Variants in ZC3H12C observed in about 807,000 individuals in gnomAD.
ZC3H12C encodes the protein probable ribonuclease ZC3H12C.
A neutral mutation model predicts 76.3 loss-of-function variants in ZC3H12C; 20 were observed. The observed-to-expected ratio is 0.26, with a 90% CI of 0.18 to 0.38. The LOEUF is 0.38. Ranked by LOEUF, ZC3H12C falls within the 10% of genes least tolerant of loss-of-function variation. ZC3H12C has a pLI of 1.00. For missense variants in ZC3H12C, 874 were observed against 1,086.5 expected, an observed-to-expected ratio of 0.80 and a Z score of 2.75; for synonymous variants, 352 against 399.6, an observed-to-expected ratio of 0.88 and a Z score of 1.42.
chr11:110,137,380 C>A lies in ZC3H12C; in HGVS notation c.739C>A (p.Pro247Thr), dbSNP rs1398405707. ...IVTDDGENLR[P>T]IVIDGSNVAM... is the part of the protein sequence containing the mutation. ...AACAGATGATGGTGAAAATCTGAGA[C>A]CAATAGTTATTGATGGCAGCAATGT... The change falls in exon 2 of 6, where the codon CCA becomes ACA. Residue 247 changes from proline to threonine, a missense_variant. Pro to Thr is a conservative substitution (Grantham distance 38). Around this residue, in one of 3 missense-constraint regions of ZC3H12C, gnomAD observed 269 missense variants for 424.9 expected, o/e 0.63. Coordinates refer to ENST00000278590, the MANE Select transcript of ZC3H12C (RefSeq NM_033390.2). 6.2e-7 allele frequency: 1 copy of A among 1,610,926 alleles called. No individual in the cohort carries two copies.
At chr11:110,133,175 C>T (rs894527071) in intron 1 of ZC3H12C, among the ~76,000 whole-genome samples, 3 of 152,072 alleles carry the variant, frequency 2.0e-5, no homozygotes, top group Non-Finnish European at 4.4e-5. Context: ...TAAGGGCAAT[C>T]GTTTGCTAAT....
intron 1 of ZC3H12C, among the ~76,000 whole-genome samples, chr11:110,109,977 A>C (rs566860470): frequency 6.6e-6 from 1 of 152,242 alleles, no homozygotes; most frequent in South Asian, 2.1e-4. Context: ...AATGCCTTGA[A>C]AAAGTTATTT....
rs539177359 is a variant in ZC3H12C at position 110,131,406 on chromosome 11, T to G, written c.22-5257T>G. Reference sequence around the variant, plus strand: ...TCAAGTTATAATAAATGTTCCGATATTTTTGATAAATGGTGGATTTAAATC... The same window carrying G: ...TCAAGTTATAATAAATGTTCCGATAGTTTTGATAAATGGTGGATTTAAATC... On this transcript the variant is annotated intron_variant, in intron 1 of 5. Coordinates refer to ENST00000278590, the MANE Select transcript of ZC3H12C (RefSeq NM_033390.2). 53 of 333,952 alleles carry G rather than the reference T, an allele frequency of 1.6e-4. No homozygotes were observed. In the South Asian group the frequency reaches 1.7e-3, roughly 11 times the overall value. 20.7% of individuals were successfully genotyped at this position (333,952 alleles called of 1,614,324 possible).
intron 1 of ZC3H12C, chr11:110,131,412 A>G (rs566370549): frequency 5.4e-5 from 18 of 335,770 alleles, no homozygotes; most frequent in African/African-American, 3.7e-4. Context: ...GATATTTTTG[A>G]TAAATGGTGG....
chr11:110,162,657 G>A (rs1001493018), intron 4 of ZC3H12C, among the ~76,000 whole-genome samples: 2 of 152,214 alleles, frequency 1.3e-5, no homozygotes, highest in African/African-American at 4.8e-5. Flanking sequence ...GAAGAGAATA[G>A]ATCGGAGTTA....
At chr11:110,147,456 C>T (rs947546374) in intron 2 of ZC3H12C, among the ~76,000 whole-genome samples, 1 of 150,824 alleles carries the variant, frequency 6.6e-6, no homozygotes, top group African/African-American at 2.4e-5. Context: ...GTCAGGGGGT[C>T]GGAGGGAAGG....
chr11:110,152,391 AGT>A (rs1862288274), intron 2 of ZC3H12C, among the ~76,000 whole-genome samples: 1 of 152,200 alleles, frequency 6.6e-6, no homozygotes, highest in Non-Finnish European at 1.5e-5. Context: ...CCTTTCAGTG[AGT>A]GTATAGTATG....
intron 1 of ZC3H12C, among the ~76,000 whole-genome samples, chr11:110,110,043 C>T (rs1218213398): frequency 1.3e-5 from 2 of 152,082 alleles, no homozygotes; most frequent in Non-Finnish European, 2.9e-5. Flanking sequence ...AGTCAAGCAG[C>T]CCACAGTAAA....
intron 1 of ZC3H12C, among the ~76,000 whole-genome samples, chr11:110,112,869 G>C (rs1253789025): frequency 1.3e-5 from 2 of 151,884 alleles, no homozygotes; most frequent in Non-Finnish European, 2.9e-5. Flanking sequence ...TCTTTTTTCT[G>C]TAAGTTATTC....
chr11:110,159,029 G>A (rs935549181), intron 3 of ZC3H12C, among the ~76,000 whole-genome samples: 8 of 81,042 alleles, frequency 9.9e-5, no homozygotes, highest in Non-Finnish European at 2.5e-4. Context: ...ATTTTATACT[G>A]TTCGTATTTT....
Position 110,158,371 on chromosome 11 carries a change from G to A in ZC3H12C, c.914-885G>A, listed in dbSNP as rs555893470. Among the ~76,000 whole-genome samples the A allele has an allele frequency of 8.5e-4, 130 of 152,144 alleles. 2 individuals are homozygous for A. The highest frequency in any genetic ancestry group is 6.8e-3 in the Middle Eastern group (2 of 294). On this transcript the variant is annotated intron_variant, in intron 3 of 5. Transcript: ENST00000278590. ...ATAAAAATACAAAAATTAGCCAGGC[G>A]TGGTGACAGGCGCCTGTAATCCCAG...
intron 1 of ZC3H12C, among the ~76,000 whole-genome samples, chr11:110,129,533 G>T (rs959783463): frequency 6.6e-6 from 1 of 152,114 alleles, no homozygotes; most frequent in Non-Finnish European, 1.5e-5. Flanking sequence ...CTGTATTTGT[G>T]TATAAAAGGA....
Position 110,165,761 on chromosome 11 carries a change from TTAG to T in ZC3H12C, c.*29_*31del. On this transcript the variant is annotated 3_prime_UTR_variant, in exon 6 of 6. Coordinates refer to ENST00000278590, the MANE Select transcript of ZC3H12C (RefSeq NM_033390.2). ...GAAAGATGATGCATCTTTGTGGTGT[TTAG>T]TAGTTTTTTGTTCAGCTCAAATGCT... 1.3e-6 allele frequency: 2 copies of T among 1,543,528 alleles called. No homozygotes were observed. Among genetic ancestry groups the T allele is most frequent in the Non-Finnish European group, 1.7e-6 (2 of 1,143,614 alleles).
At position 110,165,750 on chromosome 11, in the gene ZC3H12C, C is replaced by A. The variant is rs982209924; in HGVS notation, c.*13C>A. On this transcript the variant is annotated 3_prime_UTR_variant, in exon 6 of 6. Coordinates refer to ENST00000278590, the MANE Select transcript of ZC3H12C (RefSeq NM_033390.2). ...GCTGGGTTATTGAAAGATGATGCAT[C>A]TTTGTGGTGTTTAGTAGTTTTTTGT... 1.7e-5 allele frequency: 27 copies of A among 1,559,106 alleles called. No homozygotes were observed. The highest frequency in any genetic ancestry group is 2.3e-5 in the Non-Finnish European group (26 of 1,151,060).
At chr11:110,122,440 T>A (rs1197618996) in intron 1 of ZC3H12C, among the ~76,000 whole-genome samples, 3 of 151,590 alleles carry the variant, frequency 2.0e-5, no homozygotes, top group South Asian at 4.2e-4. Flanking sequence ...CTTCTGCTTT[T>A]AAAAAAAAAT....
chr11:110,154,857 T>C (rs1409753600), intron 3 of ZC3H12C, among the ~76,000 whole-genome samples: 1 of 54,886 alleles, frequency 1.8e-5, no homozygotes. Context: ...AAAAAACTTC[T>C]TTCCAGTATA....
At chr11:110,120,222 C>G (rs1310367695) in intron 1 of ZC3H12C, among the ~76,000 whole-genome samples, 1 of 152,102 alleles carries the variant, frequency 6.6e-6, no homozygotes, top group Non-Finnish European at 1.5e-5. Flanking sequence ...TTTTTATCAG[C>G]CTATCAATAT....
At position 110,164,764 on chromosome 11, in the gene ZC3H12C, C is replaced by G; in HGVS notation, c.1679C>G (p.Pro560Arg). The stretch of plus-strand genomic sequence containing the variant: ...GATCAAAGACCACAGGGACAATATC[C>G]TTCAATGATGATGGCAACCAAAAAT... ...PQDQRPQGQY[P>R]SMMMATKNHG... Residue 560 changes from proline to arginine, a missense_variant, in exon 6 of 6, where the codon CCT (proline) becomes CGT (arginine). By Grantham distance (103) the Pro-to-Arg change is moderately radical. Around this residue, in one of 3 missense-constraint regions of ZC3H12C, gnomAD observed 395 missense variants for 434.4 expected, o/e 0.91. Coordinates refer to ENST00000278590, the MANE Select transcript of ZC3H12C (RefSeq NM_033390.2). The surrounding 1 kb of genome is among the most constrained non-coding windows in gnomAD (Gnocchi z 5.7). The G allele has an allele frequency of 6.2e-7, 1 of 1,614,024 alleles. No individual in the cohort carries two copies.
intron 1 of ZC3H12C, among the ~76,000 whole-genome samples, chr11:110,123,301 T>G (rs640266): frequency 0.35 from 52,924 of 152,074 alleles, 10,259 homozygotes; most frequent in East Asian, 0.65. Flanking sequence ...TATTTACAGG[T>G]TTTGTAGGAA....
Sources: gnomAD v4.1 joint callset for allele counts (sites outside exome capture counted in the v4.1 genomes callset) on GRCh38, gnomAD v4.1.1 for gene constraint, gnomAD v4.1.1 regional missense constraint, Gnocchi (gnomAD v3.1) non-coding constraint, MANE v1.5 for transcripts, NCBI Gene and HGNC (gene_info 2026-07-23, HGNC 2026-07-21) for gene names.